METTL16: variants seen among roughly 807,000 people sequenced by gnomAD.
METTL16 encodes the protein RNA N(6)-adenosine-methyltransferase METTL16.
METTL16 carries 19 observed loss-of-function variants against 57.9 expected under a neutral mutation model. The ratio of observed to expected loss-of-function variants is 0.33; its 90% CI spans 0.23 to 0.48. The LOEUF is 0.48. Among genes scored for constraint, METTL16 ranks in the 20% least tolerant of loss-of-function variants. The pLI is 0.99. For missense variants in METTL16, 434 were observed against 691.5 expected, an observed-to-expected ratio of 0.63 and a Z score of 4.18; for synonymous variants, 246 against 255.6, an observed-to-expected ratio of 0.96 and a Z score of 0.36.
intron 2 of METTL16, among the ~76,000 whole-genome samples, chr17:2,499,931 T>G (rs950138194): frequency 5.9e-5 from 9 of 152,202 alleles, no homozygotes; most frequent in Admixed American, 1.3e-4. Context: ...TTTTTGTATT[T>G]TTAATAGAGA....
Position 2,489,732 on chromosome 17 carries a change from CAA to C in METTL16, c.129-11849_129-11848del, listed in dbSNP as rs61506042. 1.2e-4 allele frequency among the ~76,000 whole-genome samples: 7 copies of C among 60,330 alleles called. 1 individual carries two copies. The highest frequency in any genetic ancestry group is 2.7e-4 in the Admixed American group (1 of 3,734). The allele number at this position is 60,330 out of a possible 152,430, so 39.6% of individuals were successfully genotyped here. A position where few individuals can be genotyped will look rare whatever the true frequency, so the allele number is the denominator to read the frequency against. ...CCAGCCTGGATGACAGAGCGAGACTCAAAAAAAAAAAAAAAAACGAATACTGC... is the reference window on the plus strand; with the variant it reads ...CCAGCCTGGATGACAGAGCGAGACTCAAAAAAAAAAAAAAACGAATACTGC... On this transcript the variant is annotated intron_variant, in intron 2 of 9. Coordinates refer to ENST00000263092, the MANE Select transcript of METTL16 (RefSeq NM_024086.4).
At chr17:2,424,613 G>A (rs537888462) in intron 8 of METTL16, among the ~76,000 whole-genome samples, 4 of 152,016 alleles carry the variant, frequency 2.6e-5, no homozygotes, top group South Asian at 4.2e-4. Context: ...ATCTCAGGAC[G>A]GTCTTCAATT....
intron 1 of METTL16, among the ~76,000 whole-genome samples, chr17:2,508,056 T>C (rs1292916526): frequency 2.0e-5 from 3 of 151,738 alleles, no homozygotes; most frequent in Non-Finnish European, 4.4e-5. Context: ...TCTGCTGACC[T>C]TCCCTCCACT....
At chr17:2,459,221 C>T (rs544457307) in intron 6 of METTL16, among the ~76,000 whole-genome samples, 9 of 152,222 alleles carry the variant, frequency 5.9e-5, no homozygotes, top group Non-Finnish European at 1.3e-4. Context: ...AAAGGCTCTT[C>T]ACAGAGTCCA....
At chr17:2,455,577 C>G (rs539015674) in intron 6 of METTL16, among the ~76,000 whole-genome samples, 3 of 152,276 alleles carry the variant, frequency 2.0e-5, no homozygotes, top group Admixed American at 2.0e-4. Context: ...CCTGAGACCT[C>G]AGAGCAGACA....
intron 2 of METTL16, among the ~76,000 whole-genome samples, chr17:2,485,398 C>T (rs2067333990): frequency 2.0e-5 from 3 of 152,126 alleles, no homozygotes; most frequent in South Asian, 2.1e-4. Context: ...AAATGTAATG[C>T]GCTTGAATCA....
chr17:2,416,881 A>G lies in METTL16; in HGVS notation c.*3089T>C, dbSNP rs12452567. The G allele has an allele frequency of 0.19, 29,121 of 152,146 alleles. 3,640 individuals carry two copies. The highest frequency in any genetic ancestry group is 0.33 in the Admixed American group (5,025 of 15,244). 9.4% of individuals were successfully genotyped at this position (152,146 alleles called of 1,614,324 possible). ...TACCAGAGGTATATGCTATGAAACA[A>G]CACACAATTATAAAGCATATGCATG... On this transcript the variant is annotated 3_prime_UTR_variant, in exon 10 of 10. Coordinates refer to ENST00000263092, the MANE Select transcript of METTL16 (RefSeq NM_024086.4).
At chr17:2,494,300 G>A (rs906512660) in intron 2 of METTL16, among the ~76,000 whole-genome samples, 4 of 152,208 alleles carry the variant, frequency 2.6e-5, no homozygotes, top group Admixed American at 2.6e-4. Context: ...GGGATTACAG[G>A]CGTGAGCCAC....
intron 4 of METTL16, among the ~76,000 whole-genome samples, chr17:2,470,578 G>A (rs1018247560): frequency 6.6e-6 from 1 of 152,134 alleles, no homozygotes; most frequent in Non-Finnish European, 1.5e-5. Flanking sequence ...GGAGGCTGAG[G>A]CCAGAAAATC....
At chr17:2,465,573 A>G (rs1276611686) in intron 5 of METTL16, among the ~76,000 whole-genome samples, 9 of 143,860 alleles carry the variant, frequency 6.3e-5, no homozygotes, top group Non-Finnish European at 1.2e-4. Context: ...AAAAAAAAAG[A>G]CAGATCAGGC....
intron 1 of METTL16, among the ~76,000 whole-genome samples, chr17:2,506,458 G>C (rs928527987): frequency 6.6e-6 from 1 of 151,796 alleles, no homozygotes; most frequent in Non-Finnish European, 1.5e-5. Flanking sequence ...ACTGGTTTTC[G>C]TATTTTTTTG....
intron 8 of METTL16, among the ~76,000 whole-genome samples, chr17:2,422,878 G>C (rs1480846949): frequency 1.3e-5 from 2 of 152,122 alleles, no homozygotes; most frequent in African/African-American, 4.8e-5. Context: ...AGCTACTCGG[G>C]AGGCTGAGGC....
intron 2 of METTL16, among the ~76,000 whole-genome samples, chr17:2,491,642 A>G (rs373858944): frequency 6.8e-4 from 103 of 152,204 alleles, no homozygotes; most frequent in East Asian, 1.2e-3. Context: ...TTGGGAGGCC[A>G]AGGCGGGTGA....
At chr17:2,436,830 C>A (rs1216536824) in intron 8 of METTL16, 1 of 151,636 alleles carries the variant, frequency 6.6e-6, no homozygotes, top group Non-Finnish European at 1.5e-5. Flanking sequence ...TTTCCTTTAC[C>A]TATAGCAGCA....
At chr17:2,424,380 T>TGGGATTACAGGCGTGAGCCACC (rs2151541181) in intron 8 of METTL16, 1 of 151,932 alleles carries the variant, frequency 6.6e-6, no homozygotes, top group Non-Finnish European at 1.5e-5. Flanking sequence ...CCCAAAGTGC[T>TGGGATTACAGGCGTGAGCCACC]GGGATTACAG....
intron 1 of METTL16, among the ~76,000 whole-genome samples, chr17:2,506,532 C>T (rs1191924601): frequency 3.3e-5 from 5 of 150,658 alleles, no homozygotes; most frequent in East Asian, 3.9e-4. Context: ...GAGTGATCCG[C>T]CAGCCTCGGC....
In METTL16 at chr17:2,420,307, T is replaced by C. The variant is rs201803030; in HGVS notation, c.1352A>G (p.Gln451Arg). 7.1e-4 allele frequency: 1,151 copies of C among 1,612,666 alleles called. 1 individual carries two copies. The highest frequency in any genetic ancestry group is 8.8e-4 in the Non-Finnish European group (1,036 of 1,180,020). The change falls in exon 10 of 10, where the codon CAG becomes CGG. Residue 451 changes from glutamine (Q) to arginine (R), a missense_variant. By Grantham distance (43) the Gln-to-Arg change is conservative. Around this residue, in one of 5 missense-constraint regions of METTL16, gnomAD observed 168 missense variants for 149.6 expected, o/e 1.12. Transcript: ENST00000263092. This position sits in a 1 kb window ranked among gnomAD's most constrained non-coding sequence, Gnocchi z 5.4. Reference protein sequence around the residue: ...AAAVEGPCPSQESLSQEENPE... With the variant: ...AAAVEGPCPSRESLSQEENPE... ...GTTTTCCTCCTGGGACAGGGACTCCTGGCTCGGGCACGGGCCCTCCACAGC... is the reference window on the plus strand; with the variant it reads ...GTTTTCCTCCTGGGACAGGGACTCCCGGCTCGGGCACGGGCCCTCCACAGC...
At chr17:2,463,501 A>G (rs1002910714) in intron 6 of METTL16, among the ~76,000 whole-genome samples, 1 of 152,072 alleles carries the variant, frequency 6.6e-6, no homozygotes, top group African/African-American at 2.4e-5. Flanking sequence ...TTACTCTCTC[A>G]CCCAGGCTGG....
intron 8 of METTL16, among the ~76,000 whole-genome samples, chr17:2,423,853 A>G (rs2066788015): frequency 6.6e-6 from 1 of 152,240 alleles, no homozygotes. Context: ...AGAGATTAAA[A>G]TAAGAAAATA....
Sources: allele counts gnomAD v4.1 joint callset (sites outside exome capture counted in the v4.1 genomes callset), GRCh38; gene constraint gnomAD v4.1.1; regional missense constraint gnomAD v4.1.1; non-coding constraint Gnocchi (gnomAD v3.1); transcripts MANE v1.5; gene names NCBI Gene and HGNC (gene_info 2026-07-23, HGNC 2026-07-21).